Variants in CACNG2 observed in about 807,000 individuals in gnomAD.
The protein encoded by CACNG2 is calcium voltage-gated channel auxiliary subunit gamma 2, also known as voltage-dependent calcium channel gamma-2 subunit.
In CACNG2, 3 loss-of-function variants were observed where a neutral mutation model predicts 25.9. The observed-to-expected ratio is 0.12, with a 90% confidence interval of 0.05 to 0.30. The LOEUF is 0.30. CACNG2 is among the 10% of genes least tolerant of loss of function. The pLI, the probability that CACNG2 is intolerant of heterozygous loss-of-function variation, is 1.00. For missense variants in CACNG2, 341 were observed against 432.5 expected, an observed-to-expected ratio of 0.79 and a Z score of 1.88; for synonymous variants, 167 against 173.3, an observed-to-expected ratio of 0.96 and a Z score of 0.29.
chr22:36,639,054 T>C (rs1008160210), intron 1 of CACNG2, among the ~76,000 whole-genome samples: 4 of 152,112 alleles, frequency 2.6e-5, no homozygotes, highest in African/African-American at 9.7e-5. Flanking sequence ...GGGGTAGATA[T>C]GTAAGGGCCA....
At chr22:36,664,307 T>TTC (rs1936843007) in intron 1 of CACNG2, among the ~76,000 whole-genome samples, 2 of 152,022 alleles carry the variant, frequency 1.3e-5, no homozygotes, top group Non-Finnish European at 2.9e-5. Flanking sequence ...TCTCTCTGCC[T>TTC]ATTCATTCAT....
At chr22:36,565,288 T>C (rs1287493055) in intron 3 of CACNG2, among the ~76,000 whole-genome samples, 1 of 152,246 alleles carries the variant, frequency 6.6e-6, no homozygotes, top group Non-Finnish European at 1.5e-5. Flanking sequence ...TGCACAGGGC[T>C]TCAAAGCTGG....
chr22:36,623,541 G>A (rs567454962), intron 1 of CACNG2, among the ~76,000 whole-genome samples: 3 of 152,206 alleles, frequency 2.0e-5, no homozygotes, highest in East Asian at 1.9e-4. Flanking sequence ...ACTCGATTGC[G>A]TTCATTGTGA....
intron 1 of CACNG2, among the ~76,000 whole-genome samples, chr22:36,671,680 G>T (rs1936952500): frequency 6.6e-6 from 1 of 152,170 alleles, no homozygotes; most frequent in Non-Finnish European, 1.5e-5. Context: ...AAGGGAGAGG[G>T]TTGACCATGT....
chr22:36,627,165 T>TCCCATCTAGGAC (rs559212791), intron 1 of CACNG2, among the ~76,000 whole-genome samples: 1 of 148,360 alleles, frequency 6.7e-6, no homozygotes, highest in African/African-American at 2.5e-5. Context: ...CTCCCTCCCC[T>TCCCATCTAGGAC]CCCATCTAGG....
At chr22:36,586,199 G>T (rs946185425) in intron 2 of CACNG2, among the ~76,000 whole-genome samples, 4 of 152,194 alleles carry the variant, frequency 2.6e-5, no homozygotes, top group Admixed American at 1.3e-4. Context: ...CATCCATCTT[G>T]GCCTCCCCAG....
chr22:36,679,177 CCTTCCTTCCTTCCTTCCTTCCTTT>C lies in CACNG2; in HGVS notation c.211+23165_211+23188del, dbSNP rs1408949119. 4.1e-3 allele frequency among the ~76,000 whole-genome samples: 514 copies of C among 125,964 alleles called. 1 individual carries two copies. Among genetic ancestry groups the C allele is most frequent in the Non-Finnish European group, 5.6e-3 (342 of 61,038 alleles). 82.6% of individuals were successfully genotyped at this position (125,964 alleles called of 152,430 possible). On this transcript the variant is annotated intron_variant, in intron 1 of 3. Transcript: ENST00000300105. ...TCCTTCCTTCCTTCCTTCCTTCCTT[CCTTCCTTCCTTCCTTCCTTCCTTT>C]CTTTCTTTCTTTCTTTCTTTCTTTC...
rs8135847 is a variant in CACNG2 at position 36,663,168 on chromosome 22, C to T, written c.211+39198G>A. ...AGAGGAGACCCTTGCCCAAGTCGGT[C>T]TACGGGTGGGTGCCTGGTCCGGTGC... On this transcript the variant is annotated intron_variant, in intron 1 of 3. Coordinates refer to ENST00000300105, the MANE Select transcript of CACNG2 (RefSeq NM_006078.5). Among the ~76,000 whole-genome samples the T allele has an allele frequency of 8.5e-3, 1,296 of 152,224 alleles. 14 individuals are homozygous for T. Among genetic ancestry groups the T allele is most frequent in the African/African-American group, 0.03 (1,251 of 41,524 alleles).
intron 2 of CACNG2, among the ~76,000 whole-genome samples, chr22:36,582,406 C>T (rs11704411): frequency 0.013 from 1,290 of 96,718 alleles, 49 homozygotes; most frequent in Middle Eastern, 0.024. Flanking sequence ...CTCTTTCTTT[C>T]TTTCTTTTTT....
chr22:36,651,930 C>A (rs1936623284), intron 1 of CACNG2, among the ~76,000 whole-genome samples: 1 of 152,120 alleles, frequency 6.6e-6, no homozygotes, highest in Non-Finnish European at 1.5e-5. Flanking sequence ...GTGGCGTGAT[C>A]TCGGCTCACT....
At chr22:36,567,448 C>T (rs1225227699) in intron 2 of CACNG2, among the ~76,000 whole-genome samples, 1 of 152,082 alleles carries the variant, frequency 6.6e-6, no homozygotes, top group Non-Finnish European at 1.5e-5. Flanking sequence ...AAGGAAGGAA[C>T]AGGCACATTG....
At chr22:36,663,152 C>T (rs1936824223) in intron 1 of CACNG2, among the ~76,000 whole-genome samples, 1 of 152,102 alleles carries the variant, frequency 6.6e-6, no homozygotes, top group African/African-American at 2.4e-5. Context: ...GAGAGGAGAC[C>T]CTTGCCCAAG....
chr22:36,660,387 C>T (rs184184474), intron 1 of CACNG2, among the ~76,000 whole-genome samples: 5 of 152,394 alleles, frequency 3.3e-5, no homozygotes, highest in Admixed American at 6.5e-5. Context: ...GTGCCAGGCG[C>T]GCACAGGCAT....
intron 1 of CACNG2, among the ~76,000 whole-genome samples, chr22:36,676,602 C>A (rs781288973): frequency 1.3e-5 from 2 of 152,238 alleles, no homozygotes; most frequent in Non-Finnish European, 2.9e-5. Context: ...GTCCACACTA[C>A]CTTCCTCGTG....
chr22:36,602,352 A>G (rs1935765389), intron 1 of CACNG2, among the ~76,000 whole-genome samples: 1 of 151,938 alleles, frequency 6.6e-6, no homozygotes, highest in African/African-American at 2.4e-5. Flanking sequence ...ATAGTCTTTT[A>G]TATGTATTTA....
chr22:36,572,958 T>C (rs1179777866), intron 2 of CACNG2, among the ~76,000 whole-genome samples: 2 of 152,206 alleles, frequency 1.3e-5, no homozygotes, highest in Non-Finnish European at 2.9e-5. Context: ...GCCTGGTTCA[T>C]GTCTTTCTAG....
chr22:36,638,607 T>TCTGTCTAA lies in CACNG2; in HGVS notation c.212-51067_212-51060dup, dbSNP rs1190287456. Reference sequence around the variant, plus strand: ...CACTTGGAGAGAGTTCTTGGCCCCCTCTGTCTAACCACACTCCTCTCTTTA... The same window carrying TCTGTCTAA: ...CACTTGGAGAGAGTTCTTGGCCCCCTCTGTCTAACTGTCTAACCACACTCCTCTCTTTA... On this transcript the variant is annotated intron_variant, in intron 1 of 3. Coordinates refer to ENST00000300105, the MANE Select transcript of CACNG2 (RefSeq NM_006078.5). 2.0e-5 allele frequency among the ~76,000 whole-genome samples: 3 copies of TCTGTCTAA among 152,304 alleles called. No homozygotes were observed. In the East Asian group the frequency reaches 5.8e-4, roughly 29 times the overall value.
intron 1 of CACNG2, among the ~76,000 whole-genome samples, chr22:36,595,001 G>A (rs1216564213): frequency 6.7e-6 from 1 of 150,070 alleles, no homozygotes; most frequent in Non-Finnish European, 1.5e-5. Context: ...ACTGGGCAGG[G>A]TGAGATGAAG....
At chr22:36,653,425 G>T (rs1936650916) in intron 1 of CACNG2, among the ~76,000 whole-genome samples, 1 of 152,234 alleles carries the variant, frequency 6.6e-6, no homozygotes, top group Non-Finnish European at 1.5e-5. Context: ...TGAAAAACTG[G>T]ACGATTTAGC....
Sources: gnomAD v4.1 joint callset for allele counts (sites outside exome capture counted in the v4.1 genomes callset) on GRCh38, gnomAD v4.1.1 for gene constraint, MANE v1.5 for transcripts, NCBI Gene and HGNC (gene_info 2026-07-23, HGNC 2026-07-21) for gene names.